Variants in PDE4D observed in about 807,000 individuals in gnomAD.
PDE4D encodes phosphodiesterase 4D.
PDE4D carries 24 observed loss-of-function variants against 87.4 expected under a neutral mutation model. That is an observed-to-expected ratio of 0.27 (90% CI 0.20 to 0.39). The LOEUF (loss-of-function observed/expected upper bound fraction) is 0.39, where lower values mean the gene tolerates loss of function less well. Ranked by LOEUF, PDE4D falls within the 10% of genes least tolerant of loss-of-function variation. PDE4D has a pLI of 1.00. For synonymous variants in PDE4D, 384 were observed against 383.2 expected (o/e 1.00, Z -0.02); for missense variants, 714 against 1,041.0 (o/e 0.69, Z 4.32).
intron 1 of PDE4D, among the ~76,000 whole-genome samples, chr5:60,466,614 G>T (rs1228409369): frequency 6.6e-6 from 1 of 152,074 alleles, no homozygotes; most frequent in Non-Finnish European, 1.5e-5. Context: ...TTGAATCTAA[G>T]TCAGGAGCAA....
intron 2 of PDE4D, among the ~76,000 whole-genome samples, chr5:60,058,932 T>C (rs1165382666): frequency 6.6e-6 from 1 of 151,956 alleles, no homozygotes; most frequent in African/African-American, 2.4e-5. Flanking sequence ...TCAACCTTTA[T>C]GTATATATTC....
chr5:60,135,190 A>G (rs1779932245), intron 2 of PDE4D, among the ~76,000 whole-genome samples: 1 of 152,204 alleles, frequency 6.6e-6, no homozygotes, highest in South Asian at 2.1e-4. Flanking sequence ...TTAACCATGT[A>G]GACACAACTA....
chr5:59,349,343 A>T (rs958731782), intron 1 of PDE4D, among the ~76,000 whole-genome samples: 2 of 152,120 alleles, frequency 1.3e-5, no homozygotes, highest in East Asian at 3.9e-4. Context: ...TGTGGCAAAG[A>T]ACATGATAGA....
At chr5:59,009,520 A>G (rs1025901921) in intron 6 of PDE4D, among the ~76,000 whole-genome samples, 8 of 152,184 alleles carry the variant, frequency 5.3e-5, no homozygotes, top group Admixed American at 2.0e-4. Context: ...ACAAAAGGCT[A>G]TATCTTTAAT....
chr5:59,062,453 T>A (rs1199281067), intron 5 of PDE4D, among the ~76,000 whole-genome samples: 1 of 152,124 alleles, frequency 6.6e-6, no homozygotes, highest in Non-Finnish European at 1.5e-5. Context: ...AGTAAAAAGG[T>A]ATAAATAAGT....
At chr5:59,401,478 A>ATGTATCTGTCTGTCTG (rs1554161234) in intron 1 of PDE4D, among the ~76,000 whole-genome samples, 2 of 150,868 alleles carry the variant, frequency 1.3e-5, no homozygotes, top group Non-Finnish European at 2.9e-5. Flanking sequence ...CTATCTATCT[A>ATGTATCTGTCTGTCTG]TCTATCTATT....
intron 1 of PDE4D, among the ~76,000 whole-genome samples, chr5:60,272,465 C>T (rs1750912024): frequency 6.6e-6 from 1 of 152,176 alleles, no homozygotes; most frequent in Non-Finnish European, 1.5e-5. Flanking sequence ...CTTACAGCTC[C>T]CTCGAAGAAG....
intron 1 of PDE4D, chr5:59,768,446 T>G: frequency 6.3e-7 from 1 of 1,598,412 alleles, no homozygotes; most frequent in East Asian, 2.2e-5. Flanking sequence ...AGCCACGGGT[T>G]TGGACAATGC....
chr5:59,327,387 C>T (rs771119358), intron 1 of PDE4D, among the ~76,000 whole-genome samples: 1 of 151,854 alleles, frequency 6.6e-6, no homozygotes, highest in Non-Finnish European at 1.5e-5. Context: ...TTTCCTGGGT[C>T]AATAATTAGC....
At chr5:59,357,176 C>T (rs1432071639) in intron 1 of PDE4D, among the ~76,000 whole-genome samples, 2 of 152,064 alleles carry the variant, frequency 1.3e-5, no homozygotes, top group African/African-American at 2.4e-5. Flanking sequence ...ACATGCCACT[C>T]CTGAAAAGCA....
At chr5:60,228,075 T>C (rs1745341424) in intron 1 of PDE4D, among the ~76,000 whole-genome samples, 1 of 152,042 alleles carries the variant, frequency 6.6e-6, no homozygotes, top group African/African-American at 2.4e-5. Flanking sequence ...CTACTCTCCT[T>C]GCCCTTTAAA....
intron 1 of PDE4D, among the ~76,000 whole-genome samples, chr5:59,645,188 AT>A (rs988437242): frequency 9.8e-5 from 15 of 152,292 alleles, no homozygotes; most frequent in African/African-American, 3.4e-4. Flanking sequence ...AGGCAAACAG[AT>A]TTCCTGTGGT....
At chr5:59,379,480 T>C (rs1436240462) in intron 1 of PDE4D, among the ~76,000 whole-genome samples, 1 of 152,202 alleles carries the variant, frequency 6.6e-6, no homozygotes, top group African/African-American at 2.4e-5. Flanking sequence ...TTTATTTTTA[T>C]ATGTATATAC....
At chr5:60,460,204 A>G (rs4699956) in intron 1 of PDE4D, 383,036 of 1,500,228 alleles carry the variant, frequency 0.26, 52,816 homozygotes, top group Non-Finnish European at 0.28. Context: ...TGAACATTTC[A>G]TCAAATCCTT....
In PDE4D at chr5:59,496,952, C is replaced by T. The variant is rs1807331975; in HGVS notation, c.456-280984G>A. Among the ~76,000 whole-genome samples, 3 of 152,096 alleles carry T rather than the reference C, an allele frequency of 2.0e-5. No homozygotes were observed. In the South Asian group the frequency reaches 6.2e-4, roughly 32 times the overall value. The stretch of plus-strand genomic sequence containing the variant: ...TTCTGCCCTTGCCCCTACCTTCTGG[C>T]GCTCACTCTTAAGTGCCACCTACTG... On this transcript the variant is annotated intron_variant, in intron 1 of 14. Coordinates refer to ENST00000340635, the MANE Select transcript of PDE4D (RefSeq NM_001104631.2).
chr5:60,049,872 C>G, intron 2 of PDE4D, among the ~76,000 whole-genome samples: 1 of 152,212 alleles, frequency 6.6e-6, no homozygotes, highest in South Asian at 2.1e-4. Context: ...GGCAGGCCTC[C>G]TTGAGCTGTG....
At chr5:60,509,873 G>C (rs924545614) in intron 1 of PDE4D, among the ~76,000 whole-genome samples, 7 of 152,118 alleles carry the variant, frequency 4.6e-5, no homozygotes, top group Non-Finnish European at 8.8e-5. Context: ...AGCCTCCCTG[G>C]TCCAAGACAG....
chr5:60,306,859 G>A (rs949669616), intron 1 of PDE4D, among the ~76,000 whole-genome samples: 8 of 151,852 alleles, frequency 5.3e-5, no homozygotes, highest in African/African-American at 1.7e-4. Context: ...TAGAAAAGTC[G>A]ATCTAAACCA....
chr5:60,300,565 T>C (rs1183236193), intron 1 of PDE4D, among the ~76,000 whole-genome samples: 1 of 152,110 alleles, frequency 6.6e-6, no homozygotes, highest in Non-Finnish European at 1.5e-5. Context: ...TCATCTTGAG[T>C]TAATTTTTGT....
Sources: allele counts gnomAD v4.1 joint callset (sites outside exome capture counted in the v4.1 genomes callset), GRCh38; gene constraint gnomAD v4.1.1; transcripts MANE v1.5; gene names NCBI Gene and HGNC (gene_info 2026-07-23, HGNC 2026-07-21).